NELL1: variants seen among roughly 807,000 people sequenced by gnomAD.
The protein encoded by NELL1 is protein kinase C-binding protein NELL1.
NELL1 carries 76 observed loss-of-function variants against 107.4 expected under a neutral mutation model. The ratio of observed to expected loss-of-function variants is 0.71; its 90% CI spans 0.59 to 0.86. NELL1 has a LOEUF of 0.86. NELL1 is among the 40% of genes least tolerant of loss of function. The probability of loss-of-function intolerance (pLI) is 0.00; values close to 1 mark genes in which losing one functional copy is unlikely to be tolerated. For synonymous variants in NELL1, 353 were observed against 341.2 expected, an observed-to-expected ratio of 1.03 and a Z score of -0.38; for missense variants, 1,024 against 1,005.5, an observed-to-expected ratio of 1.02 and a Z score of -0.25.
chr11:21,363,210 G>T (rs192593374), intron 14 of NELL1, among the ~76,000 whole-genome samples: 1 of 152,252 alleles, frequency 6.6e-6, no homozygotes, highest in Admixed American at 6.5e-5. Context: ...CTGCCCCGAG[G>T]TCCCCTGTGA....
intron 14 of NELL1, among the ~76,000 whole-genome samples, chr11:21,307,284 A>G (rs1347047082): frequency 6.6e-6 from 1 of 151,994 alleles, no homozygotes; most frequent in Non-Finnish European, 1.5e-5. Flanking sequence ...TAGATGAAAT[A>G]GTCCAATAAT....
intron 12 of NELL1, among the ~76,000 whole-genome samples, chr11:21,077,246 T>C (rs2134388498): frequency 6.6e-6 from 1 of 152,252 alleles, no homozygotes; most frequent in African/African-American, 2.4e-5. Context: ...ATAGAGGAAA[T>C]GCATACTCTT....
rs1850230184 is a variant in NELL1 at position 20,915,699 on chromosome 11, T to TGA, written c.604-2482_604-2481dup. On this transcript the variant is annotated intron_variant, in intron 5 of 19. Transcript: ENST00000357134. ...TTTCATCTGTGGAAATCCTCATAGA[T>TGA]GATATATATATATATATATTTTTTT... Among the ~76,000 whole-genome samples, 27 of 20,374 alleles carry TGA rather than the reference T, an allele frequency of 1.3e-3. 1 individual carries two copies. The highest frequency in any genetic ancestry group is 7.6e-3 in the Admixed American group (11 of 1,456). 13.4% of individuals were successfully genotyped at this position (20,374 alleles called of 152,430 possible).
intron 12 of NELL1, among the ~76,000 whole-genome samples, chr11:21,010,465 C>T (rs1852423002): frequency 6.6e-6 from 1 of 152,020 alleles, no homozygotes. Flanking sequence ...AATGAGCTTG[C>T]AGTTATAAAC....
At chr11:21,170,229 T>A (rs1856574377) in intron 13 of NELL1, 1 of 448,520 alleles carries the variant, frequency 2.2e-6, no homozygotes. Flanking sequence ...GAAAATTTCT[T>A]GTCCTCTTGG....
At position 21,192,572 on chromosome 11, in the gene NELL1, A is replaced by T. The variant is rs184125157; in HGVS notation, c.1427-36760A>T. Among the ~76,000 whole-genome samples, 550 of 151,920 alleles carry T rather than the reference A, an allele frequency of 3.6e-3. 15 individuals carry two copies. Among genetic ancestry groups the T allele is most frequent in the African/African-American group, 0.013 (527 of 41,234 alleles). ...TTCATTTTCATAAACATATGGCAAT[A>T]TGCACTGTTATATTAACAGATATAT... On this transcript the variant is annotated intron_variant, in intron 13 of 19. Transcript: ENST00000357134.
intron 4 of NELL1, among the ~76,000 whole-genome samples, chr11:20,873,940 T>G (rs1258258905): frequency 6.6e-6 from 1 of 152,066 alleles, no homozygotes; most frequent in Non-Finnish European, 1.5e-5. Context: ...ACTTTTTTAT[T>G]TTTTGTAGAG....
intron 13 of NELL1, among the ~76,000 whole-genome samples, chr11:21,188,813 A>G (rs1236527008): frequency 1.3e-5 from 2 of 151,806 alleles, no homozygotes; most frequent in African/African-American, 4.9e-5. Context: ...TCTTTGTGAC[A>G]CTATAAGCAT....
At chr11:21,197,076 A>G (rs1590724178) in intron 13 of NELL1, among the ~76,000 whole-genome samples, 2 of 151,578 alleles carry the variant, frequency 1.3e-5, no homozygotes, top group East Asian at 2.0e-4. Flanking sequence ...TTCACCATAC[A>G]CCATATTGGC....
chr11:21,059,718 A>G (rs1434378276), intron 12 of NELL1, among the ~76,000 whole-genome samples: 5 of 152,120 alleles, frequency 3.3e-5, no homozygotes, highest in African/African-American at 1.2e-4. Context: ...GGAATAACAG[A>G]GCATGGGGAT....
Position 20,786,949 on chromosome 11 carries a change from C to A in NELL1, c.335+3119C>A, listed in dbSNP as rs552441769. The stretch of plus-strand genomic sequence containing the variant: ...TATGAACCCGGGAGGTGGAGCTTGC[C>A]GTGAGCCGAGATGGCGCCACTGCAC... On this transcript the variant is annotated intron_variant, in intron 3 of 19. Transcript: ENST00000357134. Among the ~76,000 whole-genome samples the A allele has an allele frequency of 2.7e-3, 341 of 126,346 alleles. 2 individuals carry two copies. Among genetic ancestry groups the A allele is most frequent in the African/African-American group, 7.2e-3 (246 of 34,166 alleles). 82.9% of individuals were successfully genotyped at this position (126,346 alleles called of 152,430 possible).
chr11:21,273,927 A>G (rs1253324022), intron 14 of NELL1, among the ~76,000 whole-genome samples: 4 of 152,198 alleles, frequency 2.6e-5, no homozygotes, highest in South Asian at 2.1e-4. Flanking sequence ...AGGAACAACC[A>G]GTACCAGCCA....
At chr11:21,101,690 G>T (rs898523585) in intron 12 of NELL1, among the ~76,000 whole-genome samples, 3 of 151,986 alleles carry the variant, frequency 2.0e-5, no homozygotes, top group African/African-American at 7.3e-5. Context: ...GGGGTTGTTT[G>T]TTTTTTTCTT....
At chr11:21,079,073 A>G (rs1854206331) in intron 12 of NELL1, among the ~76,000 whole-genome samples, 1 of 151,988 alleles carries the variant, frequency 6.6e-6, no homozygotes, top group Admixed American at 6.6e-5. Context: ...GGCAAATGTA[A>G]AGCAATTCTG....
At chr11:21,531,676 C>G (rs1855993341) in intron 15 of NELL1, among the ~76,000 whole-genome samples, 1 of 152,106 alleles carries the variant, frequency 6.6e-6, no homozygotes, top group South Asian at 2.1e-4. Flanking sequence ...GTGAGTGCAG[C>G]CAGCCAGGCT....
chr11:21,437,459 A>G (rs1853151339), intron 15 of NELL1, among the ~76,000 whole-genome samples: 1 of 152,172 alleles, frequency 6.6e-6, no homozygotes, highest in African/African-American at 2.4e-5. Flanking sequence ...TCCTGGGTTC[A>G]AGTGATTCTC....
At chr11:20,819,925 A>G (rs1235513207) in intron 3 of NELL1, among the ~76,000 whole-genome samples, 1 of 152,214 alleles carries the variant, frequency 6.6e-6, no homozygotes, top group Non-Finnish European at 1.5e-5. Context: ...AGGGACAAAG[A>G]GATGATCCGC....
At chr11:21,037,970 G>A (rs1853137143) in intron 12 of NELL1, among the ~76,000 whole-genome samples, 1 of 152,110 alleles carries the variant, frequency 6.6e-6, no homozygotes, top group Non-Finnish European at 1.5e-5. Context: ...GAAGAGAGAT[G>A]TTTGTTGGTT....
chr11:21,450,167 C>T (rs1479054204), intron 15 of NELL1, among the ~76,000 whole-genome samples: 2 of 152,144 alleles, frequency 1.3e-5, no homozygotes, highest in Non-Finnish European at 2.9e-5. Context: ...ATTGTTCATT[C>T]ATTTTTACAA....
Sources: allele counts gnomAD v4.1 joint callset (sites outside exome capture counted in the v4.1 genomes callset), GRCh38; gene constraint gnomAD v4.1.1; transcripts MANE v1.5; gene names NCBI Gene and HGNC (gene_info 2026-07-23, HGNC 2026-07-21).